The following SMAP1 variants were observed in gnomAD, a reference collection of about 807,000 sequenced individuals.
The protein encoded by SMAP1 is stromal membrane-associated protein 1.
A neutral mutation model predicts 58.5 loss-of-function variants in SMAP1; 24 were observed. The observed-to-expected ratio is 0.41, with a 90% confidence interval of 0.30 to 0.58. SMAP1 has a LOEUF of 0.58. Among genes scored for constraint, SMAP1 ranks in the 20% least tolerant of loss-of-function variants. The pLI, the probability that SMAP1 is intolerant of heterozygous loss-of-function variation, is 0.29. For missense variants in SMAP1, 563 were observed against 566.3 expected, an observed-to-expected ratio of 0.99 and a Z score of 0.06; for synonymous variants, 216 against 196.6, an observed-to-expected ratio of 1.10 and a Z score of -0.82.
chr6:70,680,109 C>CAACAAT (rs1280523604), intron 1 of SMAP1, among the ~76,000 whole-genome samples: 41 of 146,866 alleles, frequency 2.8e-4, no homozygotes, highest in Non-Finnish European at 5.6e-4. Flanking sequence ...TTTTCAACAA[C>CAACAAT]AACAACAACA....
At chr6:70,820,053 T>G (rs1769818340) in intron 6 of SMAP1, among the ~76,000 whole-genome samples, 1 of 152,206 alleles carries the variant, frequency 6.6e-6, no homozygotes, top group South Asian at 2.1e-4. Flanking sequence ...CTGACTAATC[T>G]TATGGATTTT....
intron 10 of SMAP1, chr6:70,859,449 T>G: frequency 7.6e-7 from 1 of 1,315,104 alleles, no homozygotes; most frequent in Non-Finnish European, 1.1e-6. Flanking sequence ...TTCAGACACT[T>G]ATGCCTGATT....
chr6:70,781,293 T>G (rs566643416), intron 4 of SMAP1, among the ~76,000 whole-genome samples: 9 of 152,322 alleles, frequency 5.9e-5, no homozygotes, highest in African/African-American at 1.9e-4. Context: ...CTATGGTTAC[T>G]TGGGTAAGTT....
At chr6:70,750,172 A>C (rs1333997658) in intron 2 of SMAP1, among the ~76,000 whole-genome samples, 1 of 152,088 alleles carries the variant, frequency 6.6e-6, no homozygotes, top group Non-Finnish European at 1.5e-5. Flanking sequence ...TAAAGCTGTT[A>C]TGTGCTGCTT....
chr6:70,860,913 G>A lies in SMAP1; in HGVS notation c.*579G>A, dbSNP rs192182968. 207 of 384,248 alleles carry A rather than the reference G, an allele frequency of 5.4e-4. No individual in the cohort carries two copies. Among genetic ancestry groups the A allele is most frequent in the African/African-American group, 3.7e-3 (179 of 48,432 alleles). The allele number at this position is 384,248 out of a possible 1,614,324, so 23.8% of individuals were successfully genotyped here. A position where few individuals can be genotyped will look rare whatever the true frequency, so the allele number is the denominator to read the frequency against. ...AACGTGGATGTTACTCCAAAACTTC[G>A]TTTAATGAATGCTTAAAGAATTCAA... is the stretch of plus-strand genomic sequence containing the variant. On this transcript the variant is annotated 3_prime_UTR_variant, in exon 11 of 11. Coordinates refer to ENST00000370455, the MANE Select transcript of SMAP1 (RefSeq NM_001044305.3).
Position 70,861,877 on chromosome 6 carries a change from T to A in SMAP1, c.*1543T>A, listed in dbSNP as rs758060613. On this transcript the variant is annotated 3_prime_UTR_variant, in exon 11 of 11. Coordinates refer to ENST00000370455, the MANE Select transcript of SMAP1 (RefSeq NM_001044305.3). ...GGTTCCAGTTCTTCGACTGTTGTTA[T>A]CTGTTTGAGAAAGTCAGATTCTTGC... 8 of 1,613,938 alleles carry A rather than the reference T, an allele frequency of 5.0e-6. No homozygotes were observed. In the African/African-American group the frequency reaches 1.1e-4, roughly 22 times the overall value.
intron 6 of SMAP1, among the ~76,000 whole-genome samples, chr6:70,823,050 T>C (rs1247988260): frequency 6.6e-6 from 1 of 152,208 alleles, no homozygotes. Flanking sequence ...ACTTTTTCCA[T>C]TAGAGCCCTT....
At position 70,768,551 on chromosome 6, in the gene SMAP1, G is replaced by A. The variant is rs149642424; in HGVS notation, c.339-4799G>A. ...GTTTATTTGCGTAGAGGTGTTTGTC[G>A]TATTCTCTGATGGTAGTTTGTATTT... is the stretch of plus-strand genomic sequence containing the variant. On this transcript the variant is annotated intron_variant, in intron 3 of 10. Coordinates refer to ENST00000370455, the MANE Select transcript of SMAP1 (RefSeq NM_001044305.3). Among the ~76,000 whole-genome samples the A allele has an allele frequency of 3.3e-3, 504 of 152,302 alleles. 10 individuals carry two copies. Among genetic ancestry groups the A allele is most frequent in the Admixed American group, 0.026 (391 of 15,300 alleles).
intron 1 of SMAP1, among the ~76,000 whole-genome samples, chr6:70,692,246 G>C (rs1031987078): frequency 2.0e-5 from 3 of 152,148 alleles, no homozygotes; most frequent in African/African-American, 4.8e-5. Flanking sequence ...TTGGAGAAAT[G>C]TCTGATTAGA....
Position 70,725,936 on chromosome 6 carries a change from C to T in SMAP1, c.119-6442C>T, listed in dbSNP as rs531785801. ...CCTCAACGGAAGTGACTTAGCATTT[C>T]GAAAAGCTGACAAAGTAGAGTAAAA... On this transcript the variant is annotated intron_variant, in intron 1 of 10. Coordinates refer to ENST00000370455, the MANE Select transcript of SMAP1 (RefSeq NM_001044305.3). Among the ~76,000 whole-genome samples the T allele has an allele frequency of 7.2e-5, 11 of 152,196 alleles. No homozygotes were observed. In the South Asian group the frequency reaches 1.9e-3, roughly 26 times the overall value.
chr6:70,800,888 G>T (rs1056615429), intron 6 of SMAP1, among the ~76,000 whole-genome samples: 2 of 152,142 alleles, frequency 1.3e-5, no homozygotes, highest in Admixed American at 6.5e-5. Context: ...TGGTGTATAT[G>T]TGCCACATTT....
At chr6:70,842,059 T>C (rs1770825455) in intron 7 of SMAP1, among the ~76,000 whole-genome samples, 1 of 152,230 alleles carries the variant, frequency 6.6e-6, no homozygotes, top group Non-Finnish European at 1.5e-5. Context: ...GCTGGTGTCC[T>C]AGAGCTACCT....
Position 70,755,026 on chromosome 6 carries a change from C to G in SMAP1, c.299C>G (p.Ala100Gly). 6.2e-7 allele frequency: 1 copy of G among 1,610,518 alleles called. No homozygotes were observed. Among genetic ancestry groups the G allele is most frequent in the Admixed American group, 1.7e-5 (1 of 59,910 alleles). The change falls in exon 3 of 11, where the codon GCC (alanine) becomes GGC (glycine). Residue 100 changes from alanine to glycine, a missense_variant. Ala to Gly is a moderately conservative substitution (Grantham distance 60). Coordinates refer to ENST00000370455, the MANE Select transcript of SMAP1 (RefSeq NM_001044305.3). ...GNTKARLLYE[A>G]NLPENFRRPQ... is the part of the protein sequence containing the mutation. ...ACTAAAGCAAGACTACTCTATGAAG[C>G]CAATCTTCCAGAGAACTTTCGAAGA...
chr6:70,827,637 C>G (rs757301128), intron 6 of SMAP1, among the ~76,000 whole-genome samples: 52 of 152,298 alleles, frequency 3.4e-4, no homozygotes, highest in Non-Finnish European at 6.6e-4. Flanking sequence ...GGAAGATTTT[C>G]TTACAGAGAG....
intron 2 of SMAP1, among the ~76,000 whole-genome samples, chr6:70,745,792 C>A (rs1053666965): frequency 1.2e-4 from 18 of 152,168 alleles, no homozygotes; most frequent in African/African-American, 4.3e-4. Flanking sequence ...GATACTGATT[C>A]TTCCTATCCA....
At chr6:70,714,275 A>C (rs1286027895) in intron 1 of SMAP1, among the ~76,000 whole-genome samples, 3 of 151,578 alleles carry the variant, frequency 2.0e-5, no homozygotes, top group Non-Finnish European at 4.4e-5. Flanking sequence ...TGTTTTGTTA[A>C]CTGTTTTCTG....
At chr6:70,793,644 T>TAGAGAGAGAGAG (rs70990334) in intron 5 of SMAP1, among the ~76,000 whole-genome samples, 64 of 140,428 alleles carry the variant, frequency 4.6e-4, no homozygotes, top group Middle Eastern at 3.6e-3. Flanking sequence ...GGAGAGTAGT[T>TAGAGAGAGAGAG]AGAGAGAGAG....
intron 6 of SMAP1, among the ~76,000 whole-genome samples, chr6:70,833,456 T>C (rs1770444970): frequency 6.6e-6 from 1 of 152,258 alleles, no homozygotes. Context: ...TTTTGCTTTT[T>C]TGATTTGTGG....
chr6:70,713,455 T>C (rs898319682), intron 1 of SMAP1, among the ~76,000 whole-genome samples: 5 of 152,160 alleles, frequency 3.3e-5, no homozygotes, highest in South Asian at 2.1e-4. Context: ...GTTTGTTCTC[T>C]TTTTGTTTTT....
Sources: allele counts gnomAD v4.1 joint callset (sites outside exome capture counted in the v4.1 genomes callset), GRCh38; gene constraint gnomAD v4.1.1; transcripts MANE v1.5; gene names NCBI Gene and HGNC (gene_info 2026-07-23, HGNC 2026-07-21).